TP63: variants seen among roughly 807,000 people sequenced by gnomAD.
TP63 encodes tumor protein p63.
TP63 carries 17 observed loss-of-function variants against 82.8 expected under a neutral mutation model. The observed-to-expected ratio is 0.21, with a 90% CI of 0.14 to 0.31. The LOEUF (loss-of-function observed/expected upper bound fraction) is 0.31. Ranked by LOEUF, TP63 falls within the 10% of genes least tolerant of loss-of-function variation. The pLI is 1.00. For synonymous variants in TP63, 330 were observed against 321.7 expected (o/e 1.03, Z -0.28); for missense variants, 648 against 895.3 (o/e 0.72, Z 3.52).
chr3:189,834,520 G>C (rs1041577563), intron 4 of TP63, among the ~76,000 whole-genome samples: 3 of 152,122 alleles, frequency 2.0e-5, no homozygotes, highest in Non-Finnish European at 2.9e-5. Flanking sequence ...TTTTCCATTA[G>C]GAATTTCTAC....
chr3:189,785,031 G>A (rs888622397), intron 3 of TP63, among the ~76,000 whole-genome samples: 3 of 151,926 alleles, frequency 2.0e-5, no homozygotes, highest in African/African-American at 2.4e-5. Context: ...TAGCTTTCAC[G>A]CATGTTCTAA....
intron 4 of TP63, among the ~76,000 whole-genome samples, chr3:189,849,495 G>T (rs1333477234): frequency 6.6e-6 from 1 of 151,970 alleles, no homozygotes; most frequent in Non-Finnish European, 1.5e-5. Context: ...CCACACATTT[G>T]GCCACAGAAG....
At chr3:189,854,259 T>C (rs1267017835) in intron 4 of TP63, among the ~76,000 whole-genome samples, 1 of 152,162 alleles carries the variant, frequency 6.6e-6, no homozygotes, top group Non-Finnish European at 1.5e-5. Flanking sequence ...AGATGGACTT[T>C]TGCTTTTGTT....
At chr3:189,870,474 A>G (rs1052481731) in intron 9 of TP63, among the ~76,000 whole-genome samples, 2 of 152,310 alleles carry the variant, frequency 1.3e-5, no homozygotes, top group Middle Eastern at 3.4e-3. Context: ...ACGTGCAAAT[A>G]CTACACCATT....
chr3:189,684,506 T>A (rs1482840830), intron 1 of TP63, among the ~76,000 whole-genome samples: 1 of 152,144 alleles, frequency 6.6e-6, no homozygotes, highest in Non-Finnish European at 1.5e-5. Flanking sequence ...TTTTGAGTAG[T>A]TTAGTGTACC....
intron 3 of TP63, among the ~76,000 whole-genome samples, chr3:189,753,792 T>G (rs908375399): frequency 6.6e-6 from 1 of 152,126 alleles, no homozygotes; most frequent in African/African-American, 2.4e-5. Context: ...TAGTATTCAA[T>G]TTTAATTTAT....
At chr3:189,637,967 T>G (rs1411462446) in intron 1 of TP63, among the ~76,000 whole-genome samples, 1 of 152,138 alleles carries the variant, frequency 6.6e-6, no homozygotes, top group Admixed American at 6.6e-5. Context: ...TTGCTGGTTT[T>G]GAAAGTGGAA....
chr3:189,651,587 G>C (rs1183190333), intron 1 of TP63, among the ~76,000 whole-genome samples: 1 of 145,796 alleles, frequency 6.9e-6, no homozygotes, highest in Non-Finnish European at 1.5e-5. Flanking sequence ...ACCCATTTTG[G>C]GGGGAGAAAT....
At chr3:189,603,888 G>A in the TP63 span, among the ~76,000 whole-genome samples, 2 of 151,800 alleles carry the variant, frequency 1.3e-5, no homozygotes, top group Non-Finnish European at 2.9e-5. Flanking sequence ...AAAAAGAAAA[G>A]AAGAGAAAAG....
At chr3:189,682,553 AATATATATATATATATATATATAT>A (rs1179179631) in intron 1 of TP63, among the ~76,000 whole-genome samples, 1,851 of 10,350 alleles carry the variant, frequency 0.18, 62 homozygotes, top group Non-Finnish European at 0.33. Flanking sequence ...AAAAAAAAAA[AATATATATATATATATATATATAT>A]ATATATATAT....
At chr3:189,734,145 T>G (rs1577322421) in intron 1 of TP63, among the ~76,000 whole-genome samples, 1 of 107,588 alleles carries the variant, frequency 9.3e-6, no homozygotes. Flanking sequence ...CCTCCCTCCC[T>G]CCGTCCCTCC....
upstream of TP63, among the ~76,000 whole-genome samples, chr3:189,630,220 C>A (rs1341349161): frequency 1.3e-5 from 2 of 152,138 alleles, no homozygotes; most frequent in African/African-American, 2.4e-5. Flanking sequence ...CACCTATTTA[C>A]AGGTGTGTCC....
chr3:189,809,892 A>G (rs1727341453), intron 4 of TP63, among the ~76,000 whole-genome samples: 1 of 152,250 alleles, frequency 6.6e-6, no homozygotes, highest in Admixed American at 6.5e-5. Flanking sequence ...GTTAAGAGGC[A>G]TGCCTAAACT....
At chr3:189,621,538 CAT>C in the TP63 span, among the ~76,000 whole-genome samples, 2 of 151,584 alleles carry the variant, frequency 1.3e-5, no homozygotes, top group African/African-American at 2.4e-5. Flanking sequence ...GAAATATACA[CAT>C]ATGAATATAA....
intron 1 of TP63, among the ~76,000 whole-genome samples, chr3:189,672,706 AAAGAAGGAAGGCAGGC>A (rs371937259): frequency 0.029 from 3,991 of 137,230 alleles, 74 homozygotes; most frequent in Middle Eastern, 0.044. Flanking sequence ...GGAAGGAAGG[AAAGAAGGAAGGCAGGC>A]AGGCAGGTAA....
At position 189,816,424 on chromosome 3, in the gene TP63, G is replaced by A. The variant is rs150462597; in HGVS notation, c.579+7898G>A. Among the ~76,000 whole-genome samples, 26 of 152,230 alleles carry A rather than the reference G, an allele frequency of 1.7e-4. No individual in the cohort carries two copies. In the East Asian group the frequency reaches 2.5e-3, roughly 15 times the overall value. Reference sequence around the variant, plus strand: ...CCCCAAATTAGGTTATTTCCATAACGTGACCAAGTCTATGCAATTGTTCCT... The same window carrying A: ...CCCCAAATTAGGTTATTTCCATAACATGACCAAGTCTATGCAATTGTTCCT... On this transcript the variant is annotated intron_variant, in intron 4 of 13. Transcript: ENST00000264731.
rs753643740 is a variant in TP63 at position 189,868,674 on chromosome 3, C to A, written c.1087C>A (p.Gln363Lys). ...KADEDSIRKQ[Q>K]VSDSTKNGDG... The stretch of plus-strand genomic sequence containing the variant: ...GGATGAAGATAGCATCAGAAAGCAG[C>A]AAGTTTCGGACAGTACAAAGAACGG... The change falls in exon 8 of 14, where the codon CAA (glutamine) becomes AAA (lysine). Residue 363 changes from glutamine (Q) to lysine (K), a missense_variant. Around this residue, in one of 5 missense-constraint regions of TP63, gnomAD observed 342 missense variants for 425.7 expected, o/e 0.80. Transcript: ENST00000264731. 6.2e-7 allele frequency: 1 copy of A among 1,614,078 alleles called. No individual in the cohort carries two copies. Among genetic ancestry groups the A allele is most frequent in the Non-Finnish European group, 8.5e-7 (1 of 1,179,998 alleles).
intron 3 of TP63, among the ~76,000 whole-genome samples, chr3:189,743,755 G>A (rs994737694): frequency 1.3e-5 from 2 of 152,150 alleles, no homozygotes; most frequent in African/African-American, 4.8e-5. Context: ...ACAGAGAAGT[G>A]ACAGGAAGCA....
intron 10 of TP63, among the ~76,000 whole-genome samples, chr3:189,883,276 G>T (rs1055242863): frequency 6.6e-6 from 1 of 152,052 alleles, no homozygotes; most frequent in Non-Finnish European, 1.5e-5. Flanking sequence ...TTTTCAGAAT[G>T]CTTCTTCTAG....
Sources: gnomAD v4.1 joint callset for allele counts (sites outside exome capture counted in the v4.1 genomes callset) on GRCh38, gnomAD v4.1.1 for gene constraint, gnomAD v4.1.1 regional missense constraint, MANE v1.5 for transcripts, NCBI Gene and HGNC (gene_info 2026-07-23, HGNC 2026-07-21) for gene names.